Variants in SIK3 observed in about 807,000 individuals in gnomAD.
The protein encoded by SIK3 is serine/threonine-protein kinase SIK3.
Under a neutral mutation model 144.2 loss-of-function variants are expected in SIK3, and 28 were observed. That is an observed-to-expected ratio of 0.19 (90% CI 0.14 to 0.27). The LOEUF (loss-of-function observed/expected upper bound fraction) is 0.27. Ranked by LOEUF, SIK3 falls within the 10% of genes least tolerant of loss-of-function variation. The pLI is 1.00. For missense variants in SIK3, 1,319 were observed against 1,776.0 expected (o/e 0.74, Z 4.62); for synonymous variants, 686 against 676.3 (o/e 1.01, Z -0.22).
intron 6 of SIK3, among the ~76,000 whole-genome samples, chr11:116,887,834 T>A (rs1197713440): frequency 6.6e-6 from 1 of 152,194 alleles, no homozygotes; most frequent in South Asian, 2.1e-4. Flanking sequence ...CTAGGTGGTA[T>A]ACAATCAACC....
chr11:117,012,702 G>T (rs1001577436), intron 1 of SIK3, among the ~76,000 whole-genome samples: 1 of 152,008 alleles, frequency 6.6e-6, no homozygotes, highest in African/African-American at 2.4e-5. Context: ...GTCAACAAAA[G>T]GTTCTCTGTC....
chr11:116,871,139 C>A (rs1414572637), intron 13 of SIK3, among the ~76,000 whole-genome samples: 2 of 152,202 alleles, frequency 1.3e-5, no homozygotes, highest in Non-Finnish European at 2.9e-5. Context: ...ATGAGAACCA[C>A]CACAATGCTT....
At chr11:117,000,037 G>A (rs907843557) in intron 1 of SIK3, among the ~76,000 whole-genome samples, 1 of 152,120 alleles carries the variant, frequency 6.6e-6, no homozygotes, top group African/African-American at 2.4e-5. Context: ...GTTTGATTGT[G>A]CATGATATGT....
At chr11:116,874,263 T>C (rs1026064477) in intron 11 of SIK3, among the ~76,000 whole-genome samples, 9 of 152,222 alleles carry the variant, frequency 5.9e-5, no homozygotes, top group African/African-American at 1.7e-4. Flanking sequence ...GGACGAAGGA[T>C]TGCTATTCTT....
intron 3 of SIK3, among the ~76,000 whole-genome samples, chr11:116,930,967 C>T (rs1228043100): frequency 2.0e-5 from 3 of 151,850 alleles, no homozygotes; most frequent in Non-Finnish European, 2.9e-5. Context: ...AGGTGACTCT[C>T]GGTTAAAAGG....
rs569276925 is a variant in SIK3 at position 116,863,509 on chromosome 11, G to A, written c.2103+159C>T. On this transcript the variant is annotated intron_variant, in intron 16 of 24. Coordinates refer to ENST00000445177, the MANE Select transcript of SIK3 (RefSeq NM_001366686.3). The stretch of plus-strand genomic sequence containing the variant: ...CTCCCAAAGTGCTGGGATTATAGGC[G>A]GGATCCACTGCGCCCGGCCCAGAAA... 6.6e-5 allele frequency among the ~76,000 whole-genome samples: 10 copies of A among 152,242 alleles called. No homozygotes were observed. In the South Asian group the frequency reaches 1.7e-3, roughly 25 times the overall value.
At chr11:117,097,590 C>A (rs1404347757) in intron 1 of SIK3, among the ~76,000 whole-genome samples, 6 of 152,072 alleles carry the variant, frequency 3.9e-5, no homozygotes, top group Non-Finnish European at 8.8e-5. Context: ...TGATCAAATG[C>A]GGATTCCTGT....
At chr11:117,086,674 G>C (rs1955023694) in intron 1 of SIK3, among the ~76,000 whole-genome samples, 2 of 150,828 alleles carry the variant, frequency 1.3e-5, no homozygotes, top group Non-Finnish European at 2.9e-5. Flanking sequence ...CTGGGTGACA[G>C]AGTGAGACTC....
chr11:117,089,766 C>T (rs553893914), intron 1 of SIK3, among the ~76,000 whole-genome samples: 4 of 152,210 alleles, frequency 2.6e-5, no homozygotes, highest in African/African-American at 4.8e-5. Context: ...AATAACTGGC[C>T]GAAAGTATCC....
chr11:116,987,687 T>C (rs1950368539), intron 1 of SIK3, among the ~76,000 whole-genome samples: 1 of 152,072 alleles, frequency 6.6e-6, no homozygotes, highest in Non-Finnish European at 1.5e-5. Context: ...GGAGAGAAAA[T>C]ATGCAATAAA....
chr11:117,026,946 G>A (rs567229158), intron 1 of SIK3, among the ~76,000 whole-genome samples: 1 of 152,208 alleles, frequency 6.6e-6, no homozygotes. Context: ...AAGTAAGGGG[G>A]TAAAAACATA....
chr11:117,060,371 C>G (rs111426457), intron 1 of SIK3, among the ~76,000 whole-genome samples: 8,522 of 151,954 alleles, frequency 0.056, 526 homozygotes, highest in African/African-American at 0.15. Flanking sequence ...CCGAGGCAGG[C>G]GGATCACCTG....
At chr11:116,950,424 G>C (rs1485061242) in intron 3 of SIK3, among the ~76,000 whole-genome samples, 1 of 152,056 alleles carries the variant, frequency 6.6e-6, no homozygotes, top group Non-Finnish European at 1.5e-5. Context: ...CGAAAACTAG[G>C]TTGTTATCTG....
In SIK3 at chr11:117,013,456, C is replaced by T. The variant is rs548313018; in HGVS notation, c.274-56392G>A. ...CTGTGCCACTGCACTCTAGCCTGGG[C>T]GTCAAGAGTGAAACTCCATTTCAAA... On this transcript the variant is annotated intron_variant, in intron 1 of 24. Transcript: ENST00000445177. Among the ~76,000 whole-genome samples the T allele has an allele frequency of 7.9e-5, 12 of 152,106 alleles. No homozygotes were observed. In the South Asian group the frequency reaches 8.3e-4, roughly 11 times the overall value.
At chr11:116,999,778 T>C (rs556986698) in intron 1 of SIK3, among the ~76,000 whole-genome samples, 1 of 152,348 alleles carries the variant, frequency 6.6e-6, no homozygotes, top group South Asian at 2.1e-4. Flanking sequence ...AATACTCTTA[T>C]GACTACATTC....
intron 3 of SIK3, among the ~76,000 whole-genome samples, chr11:116,946,318 A>T (rs1219088620): frequency 6.6e-6 from 1 of 152,194 alleles, no homozygotes; most frequent in African/African-American, 2.4e-5. Context: ...TACATGGGTG[A>T]TGGCAGAAGA....
At chr11:117,056,505 C>T (rs1953530139) in intron 1 of SIK3, among the ~76,000 whole-genome samples, 1 of 147,332 alleles carries the variant, frequency 6.8e-6, no homozygotes. Context: ...GCACATGTGC[C>T]CTAGAACTTA....
At chr11:116,913,274 C>T (rs1489339130) in intron 4 of SIK3, among the ~76,000 whole-genome samples, 4 of 151,392 alleles carry the variant, frequency 2.6e-5, no homozygotes, top group Non-Finnish European at 2.9e-5. Flanking sequence ...CATATATACA[C>T]AAGAGAAAAT....
intron 1 of SIK3, among the ~76,000 whole-genome samples, chr11:117,020,214 G>C (rs763037484): frequency 4.8e-5 from 5 of 104,792 alleles, no homozygotes; most frequent in Non-Finnish European, 7.6e-5. Context: ...GGGTCGCGGT[G>C]ATATTTGTAT....
Sources: allele counts gnomAD v4.1 joint callset (sites outside exome capture counted in the v4.1 genomes callset), GRCh38; gene constraint gnomAD v4.1.1; transcripts MANE v1.5; gene names NCBI Gene and HGNC (gene_info 2026-07-23, HGNC 2026-07-21).